The following SLC24A1 variants were observed in gnomAD, a reference collection of about 807,000 sequenced individuals.
SLC24A1 encodes sodium/potassium/calcium exchanger 1.
Under a neutral mutation model 88.1 loss-of-function variants are expected in SLC24A1, and 52 were observed. The ratio of observed to expected loss-of-function variants is 0.59; its 90% CI spans 0.47 to 0.74. The LOEUF (loss-of-function observed/expected upper bound fraction) is 0.74. Among genes scored for constraint, SLC24A1 ranks in the 30% least tolerant of loss-of-function variants. The pLI is 0.00. For missense variants in SLC24A1, 1,173 were observed against 1,363.3 expected (o/e 0.86, Z 2.20); for synonymous variants, 455 against 498.0 (o/e 0.91, Z 1.15).
rs371059164 is a variant in SLC24A1 at position 65,650,726 on chromosome 15, C to G, written c.2577C>G (p.Ser859Arg). 1 of 1,566,010 alleles carries G rather than the reference C, an allele frequency of 6.4e-7. No individual in the cohort carries two copies. Among genetic ancestry groups the G allele is most frequent in the Non-Finnish European group, 8.6e-7 (1 of 1,157,614 alleles). ...GAGGGGGAAGTGATGGAGGGGATAGCGAAGAGGAGGAAGAGGAGGAGGAAG... is the reference window on the plus strand; with the variant it reads ...GAGGGGGAAGTGATGGAGGGGATAGGGAAGAGGAGGAAGAGGAGGAGGAAG... ...EDGGGSDGGDSEEEEEEEEEQ... is the reference protein window; with the variant it reads ...EDGGGSDGGDREEEEEEEEEQ... Residue 859 changes from serine (S) to arginine (R), a missense_variant, in exon 7 of 10, where the codon AGC becomes AGG. Transcript: ENST00000261892. The surrounding 1 kb of genome is among the most constrained non-coding windows in gnomAD (Gnocchi z 4.1).
rs1343850255 is a variant in SLC24A1, at chr15:65,650,478, A to T, written c.2329A>T (p.Thr777Ser). The T allele has an allele frequency of 6.4e-7, 1 of 1,551,662 alleles. No individual in the cohort carries two copies. Among genetic ancestry groups the T allele is most frequent in the East Asian group, 2.4e-5 (1 of 40,924 alleles). ...GETEEKSGGE[T>S]QPEGEGETET... ...AACTGAAGAGAAAAGTGGAGGTGAAACTCAACCAGAAGGTGAAGGTGAAAC... is the reference window on the plus strand; with the variant it reads ...AACTGAAGAGAAAAGTGGAGGTGAATCTCAACCAGAAGGTGAAGGTGAAAC... Residue 777 changes from threonine to serine, a missense_variant, in exon 7 of 10, where the codon ACT becomes TCT. Thr to Ser is a moderately conservative substitution (Grantham distance 58, BLOSUM62 1). Coordinates refer to ENST00000261892, the MANE Select transcript of SLC24A1 (RefSeq NM_004727.3). This position sits in a 1 kb window ranked among gnomAD's most constrained non-coding sequence, Gnocchi z 4.1.
chr15:65,634,181 G>A (rs2074827331), intron 2 of SLC24A1, among the ~76,000 whole-genome samples: 1 of 152,082 alleles, frequency 6.6e-6, no homozygotes, highest in Non-Finnish European at 1.5e-5. Context: ...TCGGACAAGG[G>A]ATTCAATAAA....
chr15:65,624,398 G>GACA lies in SLC24A1; in HGVS notation c.319_321dup (p.Thr107dup). ...GCAGTGATGAAGCAACACTGAGCAT[G>GACA]ACAGTGGAGAATATCCCCAGTATGC... On this transcript the variant is annotated inframe_insertion, in exon 2 of 10. Coordinates refer to ENST00000261892, the MANE Select transcript of SLC24A1 (RefSeq NM_004727.3). 1 of 1,613,516 alleles carries GACA rather than the reference G, an allele frequency of 6.2e-7. No homozygotes were observed.
At chr15:65,627,963 T>G (rs931733902) in intron 2 of SLC24A1, among the ~76,000 whole-genome samples, 7 of 152,132 alleles carry the variant, frequency 4.6e-5, no homozygotes, top group Non-Finnish European at 7.3e-5. Flanking sequence ...ATAGATCCAG[T>G]ATGAATTTTT....
At chr15:65,628,547 C>G (rs765548398) in intron 2 of SLC24A1, among the ~76,000 whole-genome samples, 1 of 152,174 alleles carries the variant, frequency 6.6e-6, no homozygotes, top group Non-Finnish European at 1.5e-5. Context: ...CATACATTGT[C>G]TTAACATTTC....
upstream of SLC24A1, among the ~76,000 whole-genome samples, chr15:65,617,119 T>G (rs573114915): frequency 7.2e-5 from 11 of 152,356 alleles, no homozygotes; most frequent in South Asian, 8.3e-4. Flanking sequence ...CTGTTTTGGT[T>G]ACTGTAGCCT....
chr15:65,656,530 T>C (rs1377863880), downstream of SLC24A1, among the ~76,000 whole-genome samples: 1 of 152,194 alleles, frequency 6.6e-6, no homozygotes, highest in Non-Finnish European at 1.5e-5. Context: ...AATCATGCTG[T>C]TTTAGAGGTA....
chr15:65,646,655 T>G (rs2075311499), intron 6 of SLC24A1, among the ~76,000 whole-genome samples: 1 of 152,184 alleles, frequency 6.6e-6, no homozygotes, highest in South Asian at 2.1e-4. Context: ...GATCGAAGTC[T>G]GAGTCATCCC....
At chr15:65,629,485 G>A (rs896703209) in intron 2 of SLC24A1, among the ~76,000 whole-genome samples, 1 of 152,236 alleles carries the variant, frequency 6.6e-6, no homozygotes, top group African/African-American at 2.4e-5. Flanking sequence ...TATGACCCCA[G>A]TAAGGAAATG....
rs1186242222 is a variant in SLC24A1 at position 65,655,161 on chromosome 15, C to A, written c.*1082C>A. ...AATGGAATGTCCTGGCTCCACCCTC[C>A]AGCATGTTCTCACCCAACAATGACA... On this transcript the variant is annotated 3_prime_UTR_variant, in exon 10 of 10. Coordinates refer to ENST00000261892, the MANE Select transcript of SLC24A1 (RefSeq NM_004727.3). 35 of 988,832 alleles carry A rather than the reference C, an allele frequency of 3.5e-5. No homozygotes were observed. Among genetic ancestry groups the A allele is most frequent in the South Asian group, 4.6e-5 (1 of 21,668 alleles). The allele number at this position is 988,832 out of a possible 1,614,324, so 61.3% of individuals were successfully genotyped here.
Position 65,625,338 on chromosome 15 carries a change from C to G in SLC24A1, c.1258C>G (p.Leu420Val). Residue 420 changes from leucine to valine, a missense_variant, in exon 2 of 10, where the codon CTC becomes GTC. Physicochemically the swap from Leu to Val is conservative, Grantham distance 32. Transcript: ENST00000261892. ...SLTTALLPEE[L>V]SPSPSVLPPS... ...CACAACAGCCCTGCTCCCAGAGGAG[C>G]TCAGTCCTAGTCCCTCAGTGCTGCC... is the stretch of plus-strand genomic sequence containing the variant. The G allele has an allele frequency of 7.4e-6, 12 of 1,614,050 alleles. No individual in the cohort carries two copies. Among genetic ancestry groups the G allele is most frequent in the Non-Finnish European group, 9.3e-6 (11 of 1,179,898 alleles).
intron 7 of SLC24A1, among the ~76,000 whole-genome samples, chr15:65,651,174 T>A (rs1353475822): frequency 6.6e-6 from 1 of 152,158 alleles, no homozygotes; most frequent in Non-Finnish European, 1.5e-5. Flanking sequence ...TTCCCACTGC[T>A]ATAAGCAGCA....
intron 4 of SLC24A1, chr15:65,644,189 T>C (rs1012657945): frequency 2.0e-6 from 1 of 512,066 alleles, no homozygotes; most frequent in Non-Finnish European, 3.6e-6. Flanking sequence ...GGAAATGACT[T>C]ACCCTAAGGT....
At chr15:65,657,979 A>G (rs1373997589), downstream of SLC24A1, 2 of 152,192 alleles carry the variant, frequency 1.3e-5, no homozygotes, top group East Asian at 1.9e-4. Flanking sequence ...TAGTTTTATC[A>G]TAGTACTACA....
chr15:65,657,213 T>G (rs1596363336), downstream of SLC24A1, among the ~76,000 whole-genome samples: 1 of 152,302 alleles, frequency 6.6e-6, no homozygotes, highest in East Asian at 1.9e-4. Flanking sequence ...TGCACTGTCA[T>G]CAATAGATTC....
chr15:65,643,183 GAA>G (rs953615411), intron 4 of SLC24A1, among the ~76,000 whole-genome samples: 8 of 152,198 alleles, frequency 5.3e-5, no homozygotes, highest in African/African-American at 1.9e-4. Flanking sequence ...TGAAGAATCT[GAA>G]GTACAGAGAG....
In SLC24A1 at chr15:65,655,193, T is replaced by C; in HGVS notation, c.*1114T>C. 8 of 986,898 alleles carry C rather than the reference T, an allele frequency of 8.1e-6. No homozygotes were observed. The highest frequency in any genetic ancestry group is 9.6e-6 in the Non-Finnish European group (8 of 831,046). The allele number at this position is 986,898 out of a possible 1,614,324, so 61.1% of individuals were successfully genotyped here. ...TTCTCACCCAACAATGACAGTTGAGTGGAGTGGGAAGGGAAGTCATTCTAA... is the reference window on the plus strand; with the variant it reads ...TTCTCACCCAACAATGACAGTTGAGCGGAGTGGGAAGGGAAGTCATTCTAA... On this transcript the variant is annotated 3_prime_UTR_variant, in exon 10 of 10. Transcript: ENST00000261892.
At chr15:65,648,487 CTT>C (rs1161784695) in intron 6 of SLC24A1, among the ~76,000 whole-genome samples, 2 of 144,932 alleles carry the variant, frequency 1.4e-5, no homozygotes. Flanking sequence ...AATTTTATCT[CTT>C]TTTTTTTTTT....
chr15:65,642,948 T>C, intron 4 of SLC24A1: 1 of 1,239,602 alleles, frequency 8.1e-7, no homozygotes, highest in East Asian at 5.6e-5. Flanking sequence ...ATCTCCAGGG[T>C]TCCTTCTAAC....
Sources: gnomAD v4.1 joint callset for allele counts (sites outside exome capture counted in the v4.1 genomes callset) on GRCh38, gnomAD v4.1.1 for gene constraint, Gnocchi (gnomAD v3.1) non-coding constraint, MANE v1.5 for transcripts, NCBI Gene and HGNC (gene_info 2026-07-23, HGNC 2026-07-21) for gene names.